SLC25A21: variants seen among roughly 807,000 people sequenced by gnomAD.
SLC25A21 encodes the protein mitochondrial 2-oxodicarboxylate carrier.
Under a neutral mutation model 43.8 loss-of-function variants are expected in SLC25A21, and 47 were observed. That is an observed-to-expected ratio of 1.07 (90% CI 0.85 to 1.37). The LOEUF is 1.37. Ranked by LOEUF, SLC25A21 falls within the 40% of genes most tolerant of loss-of-function variation. The pLI is 0.00. For synonymous variants in SLC25A21, 131 were observed against 121.3 expected, an observed-to-expected ratio of 1.08 and a Z score of -0.52; for missense variants, 352 against 350.2, an observed-to-expected ratio of 1.00 and a Z score of -0.04.
chr14:36,985,646 G>A (rs1960130170), intron 1 of SLC25A21, among the ~76,000 whole-genome samples: 2 of 152,042 alleles, frequency 1.3e-5, no homozygotes, highest in Non-Finnish European at 2.9e-5. Flanking sequence ...CATATCAGGA[G>A]GACCATGATG....
At chr14:37,000,699 G>T (rs1039876618) in intron 1 of SLC25A21, among the ~76,000 whole-genome samples, 4 of 152,160 alleles carry the variant, frequency 2.6e-5, no homozygotes, top group African/African-American at 9.7e-5. Context: ...GACCTGGTGC[G>T]AGGTGATTGG....
chr14:36,785,097 A>G (rs1033929569), intron 3 of SLC25A21, among the ~76,000 whole-genome samples: 2 of 152,170 alleles, frequency 1.3e-5, no homozygotes, highest in Admixed American at 6.5e-5. Context: ...GTGTTTCTGT[A>G]CCCTCATAGA....
At chr14:36,974,628 A>C (rs181893876) in intron 1 of SLC25A21, among the ~76,000 whole-genome samples, 2 of 152,214 alleles carry the variant, frequency 1.3e-5, no homozygotes, top group South Asian at 4.1e-4. Flanking sequence ...TTCAAAGGAA[A>C]TAGAGATTCT....
chr14:36,874,064 C>T (rs2138554354), intron 2 of SLC25A21, among the ~76,000 whole-genome samples: 1 of 152,258 alleles, frequency 6.6e-6, no homozygotes, highest in East Asian at 1.9e-4. Context: ...TTTTTGCATG[C>T]CACAGTCACC....
intron 8 of SLC25A21, among the ~76,000 whole-genome samples, chr14:36,684,444 C>A (rs769926000): frequency 6.6e-6 from 1 of 152,130 alleles, no homozygotes; most frequent in Non-Finnish European, 1.5e-5. Context: ...GACAATTATT[C>A]TTCTGCCTAT....
chr14:37,090,393 G>A (rs1018660049), intron 1 of SLC25A21, among the ~76,000 whole-genome samples: 4 of 152,178 alleles, frequency 2.6e-5, no homozygotes, highest in South Asian at 2.1e-4. Context: ...ACTTCCCATC[G>A]CCATGTAGTT....
At chr14:36,888,088 T>G (rs1594669904) in intron 1 of SLC25A21, among the ~76,000 whole-genome samples, 1 of 152,268 alleles carries the variant, frequency 6.6e-6, no homozygotes, top group South Asian at 2.1e-4. Flanking sequence ...ACAGTTTTTG[T>G]TTGTCTGTTT....
At position 36,998,915 on chromosome 14, in the gene SLC25A21, G is replaced by A. The variant is rs112097737; in HGVS notation, c.71-123911C>T. On this transcript the variant is annotated intron_variant, in intron 1 of 9. Transcript: ENST00000331299. ...CCCCAACAATGCCAAACGCTGGAGA[G>A]GATATAGAGCAACAGGAATTCTCAC... 2.5e-3 allele frequency among the ~76,000 whole-genome samples: 378 copies of A among 152,192 alleles called. 1 individual carries two copies. The highest frequency in any genetic ancestry group is 8.5e-3 in the African/African-American group (352 of 41,534).
chr14:37,026,168 T>C lies in SLC25A21; in HGVS notation c.70+146113A>G, dbSNP rs1961089340. ...TGCAGTTTTAGCTTCAAGTCATAGC[T>C]CTTTGTAAAGATTCTGTCACACCAC... On this transcript the variant is annotated intron_variant, in intron 1 of 9. Transcript: ENST00000331299. Among the ~76,000 whole-genome samples, 3 of 152,184 alleles carry C rather than the reference T, an allele frequency of 2.0e-5. No homozygotes were observed. In the South Asian group the frequency reaches 6.2e-4, roughly 31 times the overall value.
At chr14:36,849,572 T>C (rs868222523) in intron 2 of SLC25A21, among the ~76,000 whole-genome samples, 4 of 152,312 alleles carry the variant, frequency 2.6e-5, no homozygotes, top group Middle Eastern at 3.4e-3. Flanking sequence ...CATAGTTCGA[T>C]TCAATGAAAT....
chr14:36,789,357 A>G (rs115156906), intron 3 of SLC25A21, among the ~76,000 whole-genome samples: 1,845 of 150,996 alleles, frequency 0.012, 42 homozygotes, highest in African/African-American at 0.041. Flanking sequence ...ATCTTCAGGG[A>G]AAAAAAAAGG....
chr14:36,819,663 T>C (rs1318352552), intron 2 of SLC25A21, among the ~76,000 whole-genome samples: 1 of 152,224 alleles, frequency 6.6e-6, no homozygotes, highest in African/African-American at 2.4e-5. Flanking sequence ...AAAGTAATTT[T>C]ACATCTATCA....
intron 1 of SLC25A21, among the ~76,000 whole-genome samples, chr14:36,977,006 AT>A (rs1388669517): frequency 6.6e-6 from 1 of 152,148 alleles, no homozygotes; most frequent in Non-Finnish European, 1.5e-5. Flanking sequence ...GAAATGCAGA[AT>A]TTTTCAAAAC....
intron 3 of SLC25A21, among the ~76,000 whole-genome samples, chr14:36,803,122 T>C (rs1303466545): frequency 2.0e-5 from 3 of 152,206 alleles, no homozygotes; most frequent in South Asian, 4.1e-4. Flanking sequence ...AAGTAATATC[T>C]TACCTTACAC....
At position 36,694,083 on chromosome 14, in the gene SLC25A21, C is replaced by CCCCA. The variant is rs1263506517; in HGVS notation, c.604-9162_604-9159dup. On this transcript the variant is annotated intron_variant, in intron 7 of 9. Transcript: ENST00000331299. ...CCCCAGCCCCCCAACCCCTGACAGG[C>CCCCA]CCCAGTGTGTGATGTTCCCCGCCCT... Among the ~76,000 whole-genome samples, 14 of 151,338 alleles carry CCCCA rather than the reference C, an allele frequency of 9.3e-5. No individual in the cohort carries two copies. The East Asian group carries it at 2.3e-3, about 25-fold the overall frequency.
At chr14:36,798,877 C>T (rs1887766203) in intron 3 of SLC25A21, among the ~76,000 whole-genome samples, 1 of 150,914 alleles carries the variant, frequency 6.6e-6, no homozygotes, top group South Asian at 2.1e-4. Flanking sequence ...AAATGAGCAG[C>T]TCTTTTTCTT....
intron 1 of SLC25A21, among the ~76,000 whole-genome samples, chr14:37,005,654 A>G (rs146073069): frequency 2.2e-4 from 33 of 152,196 alleles, no homozygotes; most frequent in African/African-American, 7.7e-4. Context: ...TCCCTTATGG[A>G]TCAACATATT....
intron 2 of SLC25A21, among the ~76,000 whole-genome samples, chr14:36,838,598 C>A (rs1468681430): frequency 6.6e-6 from 1 of 152,150 alleles, no homozygotes; most frequent in African/African-American, 2.4e-5. Context: ...ATGGCCTGGG[C>A]TACAGAAAAT....
intron 2 of SLC25A21, among the ~76,000 whole-genome samples, chr14:36,863,450 G>A (rs180757065): frequency 8.9e-4 from 136 of 152,140 alleles, no homozygotes; most frequent in African/African-American, 2.9e-3. Flanking sequence ...CAAAGGTTCC[G>A]CAATGTGAGT....
Sources: allele counts gnomAD v4.1 joint callset (sites outside exome capture counted in the v4.1 genomes callset), GRCh38; gene constraint gnomAD v4.1.1; transcripts MANE v1.5; gene names NCBI Gene and HGNC (gene_info 2026-07-23, HGNC 2026-07-21).